Variants in ESR1 observed in about 807,000 individuals in gnomAD.
ESR1 encodes the protein estrogen receptor.
In ESR1, 12 loss-of-function variants were observed where a neutral mutation model predicts 52.7. The observed-to-expected ratio is 0.23, with a 90% CI of 0.15 to 0.37. ESR1 has a LOEUF of 0.37. Ranked by LOEUF, ESR1 falls within the 10% of genes least tolerant of loss-of-function variation. The probability of loss-of-function intolerance (pLI) is 1.00; values close to 1 mark genes in which losing one functional copy is unlikely to be tolerated. For synonymous variants in ESR1, 305 were observed against 316.8 expected (o/e 0.96, Z 0.39); for missense variants, 584 against 779.7 (o/e 0.75, Z 2.99).
chr6:151,919,063 T>A (rs2031031777), intron 3 of ESR1, among the ~76,000 whole-genome samples: 1 of 152,208 alleles, frequency 6.6e-6, no homozygotes, highest in African/African-American at 2.4e-5. Context: ...GTTGTGTCAT[T>A]AATATTAATG....
At chr6:151,804,555 G>C (rs888984906), upstream of ESR1, 1 of 150,892 alleles carries the variant, frequency 6.6e-6, no homozygotes, top group Non-Finnish European at 1.5e-5. Context: ...TATGGAGAGA[G>C]CTCTCCTGTG....
At chr6:151,844,644 G>T (rs1280423523) in intron 2 of ESR1, among the ~76,000 whole-genome samples, 1 of 152,176 alleles carries the variant, frequency 6.6e-6, no homozygotes, top group East Asian at 1.9e-4. Context: ...ATAGGTAACA[G>T]ATCAGCCCTG....
chr6:151,883,455 C>G (rs1793306280), intron 3 of ESR1, among the ~76,000 whole-genome samples: 1 of 151,936 alleles, frequency 6.6e-6, no homozygotes, highest in South Asian at 2.1e-4. Flanking sequence ...AGGCTTGTGG[C>G]TAGCCGTCTT....
At chr6:152,128,048 G>A (rs1317040523) in exon 7 of ESR1, 4 of 152,090 alleles carry the variant, frequency 2.6e-5, no homozygotes, top group South Asian at 2.1e-4. Flanking sequence ...TGCTACATCC[G>A]GACTACAGTG....
chr6:151,920,339 T>C (rs926564525), intron 3 of ESR1, among the ~76,000 whole-genome samples: 6 of 152,082 alleles, frequency 3.9e-5, no homozygotes, highest in African/African-American at 7.2e-5. Context: ...TTTAAAAATT[T>C]ATTTTAGATT....
chr6:151,935,875 C>T (rs1341472591), intron 3 of ESR1, among the ~76,000 whole-genome samples: 1 of 152,166 alleles, frequency 6.6e-6, no homozygotes, highest in African/African-American at 2.4e-5. Flanking sequence ...TGATTCTGAA[C>T]TTCTAGAAGA....
intron 2 of ESR1, among the ~76,000 whole-genome samples, chr6:151,858,146 C>T (rs1348982952): frequency 3.3e-5 from 5 of 152,160 alleles, no homozygotes; most frequent in African/African-American, 1.2e-4. Flanking sequence ...GTTCAGCTTT[C>T]GTTCATTATC....
chr6:151,862,792 A>C (rs1789123837), intron 2 of ESR1, among the ~76,000 whole-genome samples: 1 of 152,136 alleles, frequency 6.6e-6, no homozygotes, highest in African/African-American at 2.4e-5. Flanking sequence ...CTTGCTTAAC[A>C]AGGTTCTAGT....
chr6:151,784,274 A>AT (rs2128125003), intron 2 of ESR1, among the ~76,000 whole-genome samples: 1 of 152,168 alleles, frequency 6.6e-6, no homozygotes, highest in South Asian at 2.1e-4. Context: ...ATTCTCCCCT[A>AT]TTTATTTATT....
intron 2 of ESR1, among the ~76,000 whole-genome samples, chr6:151,857,056 G>A (rs962773033): frequency 6.6e-6 from 1 of 152,150 alleles, no homozygotes; most frequent in Non-Finnish European, 1.5e-5. Context: ...CTTTGTGTGT[G>A]CGTGTGTATT....
At chr6:151,817,582 C>T (rs998939286) in intron 1 of ESR1, among the ~76,000 whole-genome samples, 2 of 152,134 alleles carry the variant, frequency 1.3e-5, no homozygotes, top group Non-Finnish European at 2.9e-5. Context: ...CTCAGCTTTC[C>T]AAAATAAGTT....
chr6:152,022,977 C>CAA (rs552229617), intron 5 of ESR1, among the ~76,000 whole-genome samples: 5 of 116,852 alleles, frequency 4.3e-5, no homozygotes, highest in African/African-American at 1.2e-4. Context: ...AACTCTGTCT[C>CAA]AAAAAAAAAA....
intron 2 of ESR1, among the ~76,000 whole-genome samples, chr6:151,795,185 A>C (rs1382529288): frequency 6.6e-6 from 1 of 152,148 alleles, no homozygotes; most frequent in East Asian, 1.9e-4. Context: ...TATAATGTTC[A>C]AATAAAAATG....
intron 3 of ESR1, among the ~76,000 whole-genome samples, chr6:151,915,589 G>T (rs538242589): frequency 6.6e-6 from 1 of 152,254 alleles, no homozygotes; most frequent in East Asian, 1.9e-4. Context: ...TCTTTACAAA[G>T]TACTAGGACT....
At chr6:152,067,951 C>T (rs1462132579) in intron 6 of ESR1, among the ~76,000 whole-genome samples, 10 of 152,192 alleles carry the variant, frequency 6.6e-5, no homozygotes, top group Non-Finnish European at 4.4e-5. Flanking sequence ...AAATTGGCAA[C>T]CGCACCAAAT....
At chr6:151,891,790 G>A (rs1052567717) in intron 3 of ESR1, among the ~76,000 whole-genome samples, 3 of 152,010 alleles carry the variant, frequency 2.0e-5, no homozygotes, top group Non-Finnish European at 4.4e-5. Flanking sequence ...GAAATGTTAC[G>A]GTGGGCACAG....
intron 6 of ESR1, among the ~76,000 whole-genome samples, chr6:152,082,851 C>T (rs1562766792): frequency 2.0e-5 from 3 of 152,170 alleles, no homozygotes; most frequent in Non-Finnish European, 2.9e-5. Context: ...CATGAGTGAA[C>T]TCCCATTCAG....
intron 2 of ESR1, among the ~76,000 whole-genome samples, chr6:151,751,447 G>A (rs1783894600): frequency 6.6e-6 from 1 of 152,152 alleles, no homozygotes. Flanking sequence ...CGCATGTAAT[G>A]CTGAGAATAA....
intron 5 of ESR1, among the ~76,000 whole-genome samples, chr6:152,032,187 C>A (rs1340315760): frequency 2.0e-5 from 3 of 152,192 alleles, no homozygotes; most frequent in South Asian, 2.1e-4. Context: ...CAATATCATA[C>A]TGAATGGACA....
Sources: gnomAD v4.1 joint callset for allele counts (sites outside exome capture counted in the v4.1 genomes callset) on GRCh38, gnomAD v4.1.1 for gene constraint, MANE v1.5 for transcripts, NCBI Gene and HGNC (gene_info 2026-07-23, HGNC 2026-07-21) for gene names.